The following NTSR2 variants were observed in gnomAD, a reference collection of about 807,000 sequenced individuals.
NTSR2 encodes the protein neurotensin receptor 2, also known as neurotensin receptor type 2.
Under a neutral mutation model 24.1 loss-of-function variants are expected in NTSR2, and 22 were observed. The observed-to-expected ratio is 0.91, with a 90% CI of 0.65 to 1.30. The LOEUF is 1.30. Ranked by LOEUF, NTSR2 falls within the 50% of genes most tolerant of loss-of-function variation. The probability of loss-of-function intolerance (pLI) is 0.00; values close to 1 mark genes in which losing one functional copy is unlikely to be tolerated. For synonymous variants in NTSR2, 291 were observed against 267.0 expected (o/e 1.09, Z -0.88); for missense variants, 570 against 570.4 (o/e 1.00, Z 0.01).
At chr2:11,669,481 C>A in intron 1 of NTSR2, 25 bp downstream of exon 1, 1 of 1,107,606 alleles carries the variant, frequency 9.0e-7, no homozygotes. Context: ...CCCCCTCCCC[C>A]GACTCCCGCT....
chr2:11,659,202 C>T (rs1661015667), intron 3 of NTSR2, among the ~76,000 whole-genome samples: 1 of 152,210 alleles, frequency 6.6e-6, no homozygotes, highest in South Asian at 2.1e-4. Flanking sequence ...GCAGCTGACG[C>T]CCTCCACCCA....
chr2:11,660,420 A>C (rs1256596061), intron 2 of NTSR2, among the ~76,000 whole-genome samples: 1 of 152,176 alleles, frequency 6.6e-6, no homozygotes, highest in African/African-American at 2.4e-5. Context: ...ATATACTCCC[A>C]ACCCAGGGCT....
At chr2:11,667,404 T>A (rs1661228465) in intron 1 of NTSR2, among the ~76,000 whole-genome samples, 1 of 152,352 alleles carries the variant, frequency 6.6e-6, no homozygotes, top group Non-Finnish European at 1.5e-5. Flanking sequence ...TGGAGTGCAG[T>A]GATGCAATCA....
At chr2:11,666,535 C>G (rs1661203697) in intron 1 of NTSR2, among the ~76,000 whole-genome samples, 1 of 151,828 alleles carries the variant, frequency 6.6e-6, no homozygotes, top group Non-Finnish European at 1.5e-5. Context: ...CCCATTTCTA[C>G]TAAAAATAAA....
Position 11,662,185 on chromosome 2 carries a change from C to T in NTSR2, c.680G>A (p.Gly227Glu). ...GGCCAGCAGGTGGCTCACTGTGACCCCATTCAGGAAAGCAGTTAGTGCCAA... is the reference window on the plus strand; with the variant it reads ...GGCCAGCAGGTGGCTCACTGTGACCTCATTCAGGAAAGCAGTTAGTGCCAA... Reference protein sequence around the residue: ...LPLALTAFLNGVTVSHLLALC... With the variant: ...LPLALTAFLNEVTVSHLLALC... The change falls in exon 2 of 4, where the codon GGG (glycine) becomes GAG (glutamate). Residue 227 changes from glycine to glutamate, a missense_variant. By Grantham distance (98) the Gly-to-Glu change is moderately conservative. Coordinates refer to ENST00000306928, the MANE Select transcript of NTSR2 (RefSeq NM_012344.4). 6.3e-7 allele frequency: 1 copy of T among 1,577,270 alleles called. No homozygotes were observed. Among genetic ancestry groups the T allele is most frequent in the Non-Finnish European group, 8.6e-7 (1 of 1,161,868 alleles).
rs748156737 is a variant in NTSR2, at chr2:11,669,528, G to T, written c.602C>A (p.Thr201Asn). 1 of 1,453,320 alleles carries T rather than the reference G, an allele frequency of 6.9e-7. No homozygotes were observed. The highest frequency in any genetic ancestry group is 1.4e-5 in the South Asian group (1 of 70,618). The allele number at this position is 1,453,320 out of a possible 1,614,324, so 90.0% of individuals were successfully genotyped here. ...TACCTGGATAAAGACTTGGAGCGCGGTGCGGCTCACCAGCACCGTGCACAC... is the reference window on the plus strand; with the variant it reads ...TACCTGGATAAAGACTTGGAGCGCGTTGCGGCTCACCAGCACCGTGCACAC... ...SRVCTVLVSR[T>N]ALQVFIQVNV... The change falls in exon 1 of 4, where the codon ACC (threonine) becomes AAC (asparagine). Residue 201 changes from threonine (T) to asparagine (N), a missense_variant. Thr to Asn is a moderately conservative substitution (Grantham distance 65). Coordinates refer to ENST00000306928, the MANE Select transcript of NTSR2 (RefSeq NM_012344.4).
At chr2:11,663,488 C>G (rs1661126009) in intron 1 of NTSR2, among the ~76,000 whole-genome samples, 1 of 151,692 alleles carries the variant, frequency 6.6e-6, no homozygotes, top group Non-Finnish European at 1.5e-5. Flanking sequence ...GATAGAGGAG[C>G]TGAAAATGAA....
At chr2:11,661,145 T>G (rs1041578027) in intron 2 of NTSR2, among the ~76,000 whole-genome samples, 1 of 152,202 alleles carries the variant, frequency 6.6e-6, no homozygotes, top group Admixed American at 6.5e-5. Flanking sequence ...GCCCCGCGGC[T>G]TGCATTTTAC....
rs1661270136 is a variant in NTSR2 at position 11,669,277 on chromosome 2, A to G, written c.624+229T>C. 2.0e-5 allele frequency among the ~76,000 whole-genome samples: 3 copies of G among 152,216 alleles called. No homozygotes were observed. In the South Asian group the frequency reaches 6.2e-4, roughly 31 times the overall value. Reference sequence around the variant, plus strand: ...GCACCACTCTCGCAAGAGTGGGAACACTGACTTTGGAGTTAATTTTGAATT... The same window carrying G: ...GCACCACTCTCGCAAGAGTGGGAACGCTGACTTTGGAGTTAATTTTGAATT... On this transcript the variant is annotated intron_variant, in intron 1 of 3. Coordinates refer to ENST00000306928, the MANE Select transcript of NTSR2 (RefSeq NM_012344.4).
chr2:11,667,326 A>G (rs1180145213), intron 1 of NTSR2, among the ~76,000 whole-genome samples: 2 of 152,220 alleles, frequency 1.3e-5, no homozygotes, highest in East Asian at 3.8e-4. Context: ...TTTATTCAGA[A>G]ACAGATTATG....
chr2:11,664,939 C>CTGTT lies in NTSR2; in HGVS notation c.625-2703_625-2700dup, dbSNP rs1433143735. Reference sequence around the variant, plus strand: ...TAAACGCACTATTTGTCAAAAGATGCTGTTAGACTGACAGAATTCATTTCA... The same window carrying CTGTT: ...TAAACGCACTATTTGTCAAAAGATGCTGTTTGTTAGACTGACAGAATTCATTTCA... On this transcript the variant is annotated intron_variant, in intron 1 of 3. Coordinates refer to ENST00000306928, the MANE Select transcript of NTSR2 (RefSeq NM_012344.4). Among the ~76,000 whole-genome samples, 5 of 152,086 alleles carry CTGTT rather than the reference C, an allele frequency of 3.3e-5. No individual in the cohort carries two copies. In the East Asian group the frequency reaches 9.6e-4, roughly 29 times the overall value.
intron 1 of NTSR2, among the ~76,000 whole-genome samples, chr2:11,664,894 T>C (rs1195325029): frequency 1.3e-5 from 2 of 152,214 alleles, no homozygotes; most frequent in African/African-American, 4.8e-5. Flanking sequence ...ATACACTGTA[T>C]GTTTCAATTG....
At chr2:11,659,679 G>A (rs930665737) in intron 3 of NTSR2, among the ~76,000 whole-genome samples, 13 of 152,174 alleles carry the variant, frequency 8.5e-5, no homozygotes, top group Admixed American at 2.0e-4. Context: ...TCCTGGGGTC[G>A]CACCTTTGTG....
intron 1 of NTSR2, among the ~76,000 whole-genome samples, chr2:11,662,517 C>CA (rs1398021413): frequency 1.3e-5 from 2 of 152,186 alleles, no homozygotes; most frequent in African/African-American, 4.8e-5. Flanking sequence ...CACGGTGACT[C>CA]ACGCCTGTAA....
intron 2 of NTSR2, 70 bp downstream of exon 2, chr2:11,661,897 C>T: frequency 7.0e-7 from 1 of 1,419,338 alleles, no homozygotes; most frequent in Admixed American, 2.4e-5. Context: ...GTCACCCGGC[C>T]AGGGATTGGT....
chr2:11,662,768 G>A (rs1023384317), intron 1 of NTSR2, among the ~76,000 whole-genome samples: 6 of 151,424 alleles, frequency 4.0e-5, no homozygotes, highest in Middle Eastern at 3.4e-3. Flanking sequence ...GCAACAGAGC[G>A]AGACTCCGTC....
intron 1 of NTSR2, 47 bp downstream of exon 1, chr2:11,669,459 C>CGGGGGGGGGGGGCG: frequency 8.9e-6 from 3 of 337,894 alleles, no homozygotes; most frequent in East Asian, 4.3e-5. Context: ...CTCCCAGCAC[C>CGGGGGGGGGGGGCG]GCCCCCCCAC....
At chr2:11,667,707 C>T (rs1661234820) in intron 1 of NTSR2, among the ~76,000 whole-genome samples, 1 of 152,208 alleles carries the variant, frequency 6.6e-6, no homozygotes, top group Admixed American at 6.5e-5. Flanking sequence ...AATACATCTT[C>T]CTTAGGCATT....
chr2:11,662,350 G>A (rs1036618944), intron 1 of NTSR2, 110 bp from the exon 2 acceptor site: 1 of 1,074,654 alleles, frequency 9.3e-7, no homozygotes, highest in Non-Finnish European at 1.3e-6. Context: ...GCGGCAGAAG[G>A]GTTAGAAGAT....
Sources: allele counts gnomAD v4.1 joint callset (sites outside exome capture counted in the v4.1 genomes callset), GRCh38; gene constraint gnomAD v4.1.1; transcripts MANE v1.5; gene names NCBI Gene and HGNC (gene_info 2026-07-23, HGNC 2026-07-21).